Variants in NUDT12 observed in about 807,000 individuals in gnomAD.
NUDT12 encodes the protein NAD-capped RNA hydrolase NUDT12.
NUDT12 carries 42 observed loss-of-function variants against 45.7 expected under a neutral mutation model. The ratio of observed to expected loss-of-function variants is 0.92; its 90% CI spans 0.72 to 1.19. NUDT12 has a LOEUF of 1.19. Among genes scored for constraint, NUDT12 ranks in the 50% most tolerant of loss-of-function variants. The pLI, the probability that NUDT12 is intolerant of heterozygous loss-of-function variation, is 0.00. For synonymous variants in NUDT12, 206 were observed against 179.7 expected (o/e 1.15, Z -1.17); for missense variants, 590 against 533.1 (o/e 1.11, Z -1.05).
rs1748981898 is a variant in NUDT12 at position 103,560,069 on chromosome 5, C to G, written c.180G>C (p.Glu60Asp). 6.2e-7 allele frequency: 1 copy of G among 1,613,638 alleles called. No homozygotes were observed. The highest frequency in any genetic ancestry group is 1.3e-5 in the African/African-American group (1 of 74,928). Residue 60 changes from glutamate to aspartate, a missense_variant, in exon 2 of 7, where the codon GAG becomes GAC. Coordinates refer to ENST00000230792, the MANE Select transcript of NUDT12 (RefSeq NM_031438.4). ...LMYAARNGHP[E>D]IVQFLLEKGC... ...CTTTCTCAAGCAGAAATTGGACTAT[C>G]TCTGGGTGCCCATTCCTTGCCGCAT...
chr5:103,550,168 A>G lies in NUDT12; in HGVS notation c.*693T>C, dbSNP rs1156942065. 1 of 152,154 alleles carries G rather than the reference A, an allele frequency of 6.6e-6. No homozygotes were observed. Among genetic ancestry groups the G allele is most frequent in the East Asian group, 1.9e-4 (1 of 5,180 alleles). The allele number at this position is 152,154 out of a possible 1,614,324, so 9.4% of individuals were successfully genotyped here. ...AGATATGTTAATTAATTTTAGGTCT[A>G]AAAGAGAGGTCCCAGATATAATAGT... On this transcript the variant is annotated 3_prime_UTR_variant, in exon 7 of 7. Transcript: ENST00000230792.
rs897502181 is a variant in NUDT12, at chr5:103,559,364, C to T, written c.311G>A (p.Gly104Glu). The part of the protein sequence containing the change: ...IANLLATAKG[G>E]KKPWFLTNEV... ...ATTCGTTAGGAACCAAGGCTTCTTC[C>T]CACCTTTAGCAGTAGCTAGTAAATT... is the stretch of plus-strand genomic sequence containing the variant. Residue 104 changes from glycine to glutamate, a missense_variant, in exon 3 of 7, where the codon GGG becomes GAG. Gly to Glu is a moderately conservative substitution (Grantham distance 98, BLOSUM62 -2). Transcript: ENST00000230792. 1.2e-6 allele frequency: 2 copies of T among 1,613,370 alleles called. No homozygotes were observed. Among genetic ancestry groups the T allele is most frequent in the Non-Finnish European group, 1.7e-6 (2 of 1,179,622 alleles).
At chr5:103,561,225 A>G (rs1165614773) in intron 1 of NUDT12, among the ~76,000 whole-genome samples, 1 of 152,060 alleles carries the variant, frequency 6.6e-6, no homozygotes, top group Non-Finnish European at 1.5e-5. Flanking sequence ...AAGCAATAAG[A>G]TTTTTAAGCT....
chr5:103,554,548 T>G (rs564017649), intron 5 of NUDT12, 192 bp downstream of exon 5: 20 of 297,700 alleles, frequency 6.7e-5, no homozygotes, highest in Non-Finnish European at 1.2e-4. Context: ...CTAGGAAAAG[T>G]AATTTATATA....
rs370738386 is a variant in NUDT12 at position 103,552,263 on chromosome 5, A to C, written c.1232T>G (p.Val411Gly). Residue 411 changes from valine (V) to glycine (G), a missense_variant, in exon 6 of 7, where the codon GTT becomes GGT. By Grantham distance (109) the Val-to-Gly change is moderately radical. Transcript: ENST00000230792. ...LALAVSTEIK[V>G]DKNEIEDARW... is the part of the protein sequence containing the mutation. ...GGCATCCTCTATTTCATTCTTGTCA[A>C]CTTTAATTTCTGTAGACACTGCTAG... The C allele has an allele frequency of 9.5e-5, 153 of 1,613,810 alleles. No individual in the cohort carries two copies. Among genetic ancestry groups the C allele is most frequent in the Non-Finnish European group, 1.3e-4 (150 of 1,179,882 alleles).
chr5:103,560,589 G>A (rs938553654), intron 1 of NUDT12, among the ~76,000 whole-genome samples: 5 of 120 alleles, frequency 0.042, no homozygotes, highest in Non-Finnish European at 0.083. Flanking sequence ...GGGACTTCAC[G>A]ATGGGTGGGG....
At chr5:103,558,672 C>A (rs891944939) in intron 3 of NUDT12, among the ~76,000 whole-genome samples, 1 of 152,094 alleles carries the variant, frequency 6.6e-6, no homozygotes, top group Non-Finnish European at 1.5e-5. Context: ...GGTTAATTCT[C>A]AGGAAATCAG....
rs1168331677 is a variant in NUDT12, at chr5:103,559,333, C to T, written c.342G>A (p.Val114=). ...GKKPWFLTNE[V]EECENYFSKT... is the part of the protein sequence containing the mutation. ...TGCTAAAATAATTTTCACATTCTTCCACTTCATTCGTTAGGAACCAAGGCT... is the reference window on the plus strand; with the variant it reads ...TGCTAAAATAATTTTCACATTCTTCTACTTCATTCGTTAGGAACCAAGGCT... The change falls in exon 3 of 7, where the codon GTG becomes GTA. Residue 114 remains valine (V), a synonymous_variant. Coordinates refer to ENST00000230792, the MANE Select transcript of NUDT12 (RefSeq NM_031438.4). 6.2e-7 allele frequency: 1 copy of T among 1,613,482 alleles called. No homozygotes were observed.
At chr5:103,552,465 C>A in intron 5 of NUDT12, 49 bp from the exon 6 acceptor site, 1 of 1,413,858 alleles carries the variant, frequency 7.1e-7, no homozygotes, top group South Asian at 1.2e-5. Flanking sequence ...ATGCCCGGGA[C>A]ACTTTGTGTC....
Position 103,559,054 on chromosome 5 carries a change from G to A in NUDT12, c.621C>T (p.Asp207=), listed in dbSNP as rs1748928562. The part of the protein sequence containing the change: ...IFLGVELEIK[D]KLLNYAGEVP... The stretch of plus-strand genomic sequence containing the variant: ...CTTCACCAGCATAATTAAGTAGTTT[G>A]TCTTTTATTTCAAGTTCTACTCCAA... The change falls in exon 3 of 7, where the codon GAC becomes GAT. Residue 207 remains aspartate, a synonymous_variant. Transcript: ENST00000230792. 6.2e-7 allele frequency: 1 copy of A among 1,613,236 alleles called. No homozygotes were observed. The highest frequency in any genetic ancestry group is 1.7e-5 in the Admixed American group (1 of 59,886).
Position 103,554,844 on chromosome 5 carries a change from A to G in NUDT12, c.974T>C (p.Val325Ala), listed in dbSNP as rs774814083. The change falls in exon 5 of 7, where the codon GTA becomes GCA. Residue 325 changes from valine (V) to alanine (A), a missense_variant. By Grantham distance (64) the Val-to-Ala change is moderately conservative. Coordinates refer to ENST00000230792, the MANE Select transcript of NUDT12 (RefSeq NM_031438.4). ...ATCTGGATGAATAACTTGCATGATT[A>G]CTACTGGATCTGTTGAAAAAAAAAA... is the stretch of plus-strand genomic sequence containing the variant. ...NTSYPRVDPV[V>A]IMQVIHPDGT... 4 of 1,478,206 alleles carry G rather than the reference A, an allele frequency of 2.7e-6. No homozygotes were observed. Among genetic ancestry groups the G allele is most frequent in the Non-Finnish European group, 3.7e-6 (4 of 1,093,054 alleles). 91.6% of individuals were successfully genotyped at this position (1,478,206 alleles called of 1,614,324 possible).
At chr5:103,556,289 TTG>T (rs1491247487) in intron 3 of NUDT12, among the ~76,000 whole-genome samples, 191 bp from the exon 4 acceptor site, 144 of 148,854 alleles carry the variant, frequency 9.7e-4, no homozygotes, top group Non-Finnish European at 1.6e-3. Flanking sequence ...TTAGATTTTT[TTG>T]TTTGAATAAA....
chr5:103,553,954 G>A (rs1236168064), intron 5 of NUDT12, among the ~76,000 whole-genome samples: 2 of 151,848 alleles, frequency 1.3e-5, no homozygotes, highest in Non-Finnish European at 2.9e-5. Flanking sequence ...CTGTAATAGT[G>A]TATTTTATAA....
At chr5:103,555,862 A>G in intron 4 of NUDT12, 69 bp downstream of exon 4, 2 of 1,257,046 alleles carry the variant, frequency 1.6e-6, no homozygotes, top group Non-Finnish European at 2.1e-6. Context: ...GCTCCTCACA[A>G]ATTTTCTCTT....
chr5:103,560,340 A>G (rs1351216794), intron 1 of NUDT12, 86 bp from the exon 2 acceptor site: 6 of 779,244 alleles, frequency 7.7e-6, no homozygotes, highest in South Asian at 1.6e-5. Flanking sequence ...CAATAGAATA[A>G]TAGCAATGGT....
At chr5:103,558,467 A>T (rs1207703453) in intron 3 of NUDT12, among the ~76,000 whole-genome samples, 2 of 152,092 alleles carry the variant, frequency 1.3e-5, no homozygotes, top group African/African-American at 4.8e-5. Flanking sequence ...TGTCTTTTTT[A>T]AAAAAATATT....
intron 3 of NUDT12, among the ~76,000 whole-genome samples, chr5:103,556,325 C>T (rs1049878060): frequency 7.2e-5 from 11 of 151,896 alleles, no homozygotes; most frequent in African/African-American, 2.7e-4. Flanking sequence ...ATAAGATAGA[C>T]ATACTGACAT....
In NUDT12 at chr5:103,552,300, C is replaced by A; in HGVS notation, c.1195G>T (p.Gly399Cys). ...GTAGACACTGCTAGAGCTAAGCAAC[C>A]AATCATTAAGGAGGAAGGCATTGGC... is the stretch of plus-strand genomic sequence containing the variant. ...PWPMPSSLMIGCLALAVSTEI... is the reference protein window; with the variant it reads ...PWPMPSSLMICCLALAVSTEI... The change falls in exon 6 of 7, where the codon GGT (glycine) becomes TGT (cysteine). Residue 399 changes from glycine to cysteine, a missense_variant. Gly to Cys is a radical substitution (Grantham distance 159). Transcript: ENST00000230792. 1 of 1,613,934 alleles carries A rather than the reference C, an allele frequency of 6.2e-7. No individual in the cohort carries two copies. The highest frequency in any genetic ancestry group is 8.5e-7 in the Non-Finnish European group (1 of 1,179,896).
At position 103,559,423 on chromosome 5, in the gene NUDT12, G is replaced by A. The variant is rs7723689; in HGVS notation, c.252C>T (p.Asp84=). Reference sequence around the variant, plus strand: ...GCTTATAACCCCAAAATACAGCAATGTCCAGTGCAGTCTGCCTTGATTTAT... The same window carrying A: ...GCTTATAACCCCAAAATACAGCAATATCCAGTGCAGTCTGCCTTGATTTAT... The part of the protein sequence containing the change: ...IVNKSRQTAL[D]IAVFWGYKHI... The change falls in exon 3 of 7, where the codon GAC becomes GAT. Residue 84 remains aspartate, a synonymous_variant. Transcript: ENST00000230792. 230,128 of 1,595,270 alleles carry A rather than the reference G, an allele frequency of 0.14. 17,897 individuals are homozygous for A. Among genetic ancestry groups the A allele is most frequent in the Middle Eastern group, 0.2 (1,196 of 5,978 alleles).
Sources: gnomAD v4.1 joint callset for allele counts (sites outside exome capture counted in the v4.1 genomes callset) on GRCh38, gnomAD v4.1.1 for gene constraint, MANE v1.5 for transcripts, NCBI Gene and HGNC (gene_info 2026-07-23, HGNC 2026-07-21) for gene names.